Variants in ABHD6 observed in about 807,000 individuals in gnomAD.
The protein encoded by ABHD6 is abhydrolase domain containing 6, acylglycerol lipase.
A neutral mutation model predicts 38.8 loss-of-function variants in ABHD6; 33 were observed. That is an observed-to-expected ratio of 0.85 (90% confidence interval 0.64 to 1.14). The LOEUF (loss-of-function observed/expected upper bound fraction) is 1.14, where lower values mean the gene tolerates loss of function less well. Among genes scored for constraint, ABHD6 ranks in the 50% most tolerant of loss-of-function variants. The probability of loss-of-function intolerance (pLI) is 0.00; values close to 1 mark genes in which losing one functional copy is unlikely to be tolerated. For missense variants in ABHD6, 380 were observed against 422.6 expected, an observed-to-expected ratio of 0.90 and a Z score of 0.88; for synonymous variants, 147 against 161.6, an observed-to-expected ratio of 0.91 and a Z score of 0.69.
At chr3:58,277,422 T>C (rs919713222) in intron 7 of ABHD6, among the ~76,000 whole-genome samples, 1 of 152,308 alleles carries the variant, frequency 6.6e-6, no homozygotes, top group East Asian at 1.9e-4. Context: ...TGTTTGTTAT[T>C]GTTGTATAGG....
At chr3:58,243,668 C>A (rs753570967) in intron 1 of ABHD6, among the ~76,000 whole-genome samples, 2 of 147,678 alleles carry the variant, frequency 1.4e-5, no homozygotes, top group Non-Finnish European at 3.0e-5. Context: ...CAGAAGTTTT[C>A]TTTTTTTTTT....
chr3:58,285,146 A>G lies in ABHD6; in HGVS notation c.736+7A>G. 6.2e-7 allele frequency: 1 copy of G among 1,613,904 alleles called. No individual in the cohort carries two copies. Among genetic ancestry groups the G allele is most frequent in the Non-Finnish European group, 8.5e-7 (1 of 1,179,764 alleles). ...AACAACTTCTACCGAAAGTGTAAGT[A>G]GCCCTACTTTCAGCTTGGAGCTTGT... On this transcript the variant is annotated splice_region_variant and intron_variant, in intron 8 of 9. Transcript: ENST00000478253. The surrounding 1 kb of genome is among the most constrained non-coding windows in gnomAD (Gnocchi z 4.9).
At chr3:58,272,812 G>A (rs2107458015) in intron 6 of ABHD6, among the ~76,000 whole-genome samples, 1 of 152,168 alleles carries the variant, frequency 6.6e-6, no homozygotes, top group South Asian at 2.1e-4. Flanking sequence ...CCTACCAAGA[G>A]TTTTAAAATA....
chr3:58,274,121 G>T (rs2097446998), intron 6 of ABHD6, among the ~76,000 whole-genome samples: 1 of 152,142 alleles, frequency 6.6e-6, no homozygotes, highest in Admixed American at 6.6e-5. Flanking sequence ...AGGGACAGCT[G>T]GGAAGACTCC....
chr3:58,271,766 G>GGT (rs2097445093), intron 6 of ABHD6, among the ~76,000 whole-genome samples: 1 of 63,618 alleles, frequency 1.6e-5, no homozygotes, highest in Non-Finnish European at 2.6e-5. Flanking sequence ...CCCTCTCTCT[G>GGT]TTTTTTTTTT....
At chr3:58,278,567 A>AT (rs1199259379) in intron 7 of ABHD6, among the ~76,000 whole-genome samples, 6 of 151,998 alleles carry the variant, frequency 3.9e-5, no homozygotes, top group South Asian at 2.1e-4. Flanking sequence ...GGATTCGTTG[A>AT]TTTTTTGAAG....
At chr3:58,278,045 G>A (rs2097449998) in intron 7 of ABHD6, among the ~76,000 whole-genome samples, 1 of 152,180 alleles carries the variant, frequency 6.6e-6, no homozygotes, top group African/African-American at 2.4e-5. Context: ...ATGTTCATCT[G>A]GAATATTGGT....
chr3:58,254,074 G>T (rs1336696675), intron 2 of ABHD6, among the ~76,000 whole-genome samples: 3 of 152,114 alleles, frequency 2.0e-5, no homozygotes, highest in African/African-American at 7.2e-5. Flanking sequence ...CTAAGGACAG[G>T]CCATTTGAAA....
At chr3:58,246,874 T>A (rs976156099) in intron 1 of ABHD6, among the ~76,000 whole-genome samples, 2 of 152,200 alleles carry the variant, frequency 1.3e-5, no homozygotes, top group African/African-American at 2.4e-5. Context: ...TGGACAGTCA[T>A]GTGGGCAGTA....
In ABHD6 at chr3:58,271,772, T is replaced by TTTTTTG. The variant is rs1244403438; in HGVS notation, c.523+713_523+714insGTTTTT. On this transcript the variant is annotated intron_variant, in intron 6 of 9. Coordinates refer to ENST00000478253, the MANE Select transcript of ABHD6 (RefSeq NM_001320126.2). ...TCTATCTCCCCCTCTCTCTGTTTTTTTTTTTTTTTTTTTTTTTTGAGACAG... is the reference window on the plus strand; with the variant it reads ...TCTATCTCCCCCTCTCTCTGTTTTTTTTTTTGTTTTTTTTTTTTTTTTTTGAGACAG... 1.7e-4 allele frequency among the ~76,000 whole-genome samples: 22 copies of TTTTTTG among 133,154 alleles called. 1 individual carries two copies. Among genetic ancestry groups the TTTTTTG allele is most frequent in the Non-Finnish European group, 3.0e-4 (19 of 62,774 alleles). 87.4% of individuals were successfully genotyped at this position (133,154 alleles called of 152,430 possible).
In ABHD6 at chr3:58,256,110, T is replaced by TACACAC. The variant is rs112736269; in HGVS notation, c.-25-449_-25-444dup. 7.4e-6 allele frequency among the ~76,000 whole-genome samples: 1 copy of TACACAC among 135,528 alleles called. No homozygotes were observed. The highest frequency in any genetic ancestry group is 2.5e-5 in the African/African-American group (1 of 40,656). The allele number at this position is 135,528 out of a possible 152,430, so 88.9% of individuals were successfully genotyped here. A position where few individuals can be genotyped will look rare whatever the true frequency, so the allele number is the denominator to read the frequency against. On this transcript the variant is annotated intron_variant, in intron 2 of 9. Coordinates refer to ENST00000478253, the MANE Select transcript of ABHD6 (RefSeq NM_001320126.2). This position sits in a 1 kb window ranked among gnomAD's most constrained non-coding sequence, Gnocchi z 4.3. ...ACACACACACACACACACACACACA[T>TACACAC]ACACACACTACTTTTTCTCTCCTGA...
chr3:58,288,772 CAGGCCCG>C (rs1301997993), intron 9 of ABHD6, among the ~76,000 whole-genome samples: 5 of 152,196 alleles, frequency 3.3e-5, no homozygotes, highest in Non-Finnish European at 7.3e-5. Context: ...TAGTGCATAA[CAGGCCCG>C]AGACAAGGGT....
chr3:58,247,924 C>T (rs1401187601), intron 1 of ABHD6, among the ~76,000 whole-genome samples: 1 of 152,208 alleles, frequency 6.6e-6, no homozygotes, highest in Non-Finnish European at 1.5e-5. Context: ...TCAAAAGGGA[C>T]AAAAGGTATC....
chr3:58,253,734 A>G (rs947625387), intron 2 of ABHD6, among the ~76,000 whole-genome samples: 4 of 152,214 alleles, frequency 2.6e-5, no homozygotes, highest in African/African-American at 7.2e-5. Context: ...CTGGTTCCAG[A>G]AGGAGAAGCA....
chr3:58,292,223 C>G (rs2097463779), intron 9 of ABHD6, among the ~76,000 whole-genome samples: 2 of 152,290 alleles, frequency 1.3e-5, no homozygotes, highest in South Asian at 4.1e-4. Flanking sequence ...GAGGCATCGT[C>G]TTACCTTAAC....
intron 3 of ABHD6, chr3:58,258,685 A>C (rs2107439672): frequency 6.1e-6 from 1 of 163,290 alleles, no homozygotes; most frequent in African/African-American, 2.4e-5. Flanking sequence ...TGTACGTAGA[A>C]GAGTCCAGAG....
At chr3:58,271,302 C>T (rs916885765) in intron 6 of ABHD6, among the ~76,000 whole-genome samples, 1 of 149,508 alleles carries the variant, frequency 6.7e-6, no homozygotes, top group South Asian at 2.1e-4. Flanking sequence ...GGGCCAGGCA[C>T]AGTGGCTCAT....
intron 1 of ABHD6, among the ~76,000 whole-genome samples, chr3:58,239,471 A>C (rs920230986): frequency 5.3e-5 from 8 of 152,170 alleles, no homozygotes; most frequent in African/African-American, 1.9e-4. Flanking sequence ...GAAATTAACC[A>C]TTTTGTGTGC....
rs542793037 is a variant in ABHD6 at position 58,279,568 on chromosome 3, T to C, written c.681+4753T>C. On this transcript the variant is annotated intron_variant, in intron 7 of 9. Coordinates refer to ENST00000478253, the MANE Select transcript of ABHD6 (RefSeq NM_001320126.2). ...CAATTTGCCAGTCTGTGTCTTTTAA[T>C]TGGGGCATTTAGCCCATTTACATTT... Among the ~76,000 whole-genome samples the C allele has an allele frequency of 3.9e-5, 6 of 152,358 alleles. No homozygotes were observed. In the East Asian group the frequency reaches 1.2e-3, roughly 29 times the overall value.
Sources: allele counts gnomAD v4.1 joint callset (sites outside exome capture counted in the v4.1 genomes callset), GRCh38; gene constraint gnomAD v4.1.1; non-coding constraint Gnocchi (gnomAD v3.1); transcripts MANE v1.5; gene names NCBI Gene and HGNC (gene_info 2026-07-23, HGNC 2026-07-21).